WFS1: variants seen among roughly 807,000 people sequenced by gnomAD.
The protein encoded by WFS1 is wolframin.
Under a neutral mutation model 68.5 loss-of-function variants are expected in WFS1, and 90 were observed. The ratio of observed to expected loss-of-function variants is 1.31; its 90% CI spans 1.11 to 1.56. The LOEUF (loss-of-function observed/expected upper bound fraction) is 1.56, where lower values mean the gene tolerates loss of function less well. WFS1 is among the 40% of genes most tolerant of loss of function. The pLI, the probability that WFS1 is intolerant of heterozygous loss-of-function variation, is 0.00. For missense variants in WFS1, 1,767 were observed against 1,232.6 expected (o/e 1.43, Z -6.49); for synonymous variants, 860 against 540.7 (o/e 1.59, Z -8.19).
At chr4:6,300,001 G>A (rs1393164160) in intron 7 of WFS1, among the ~76,000 whole-genome samples, 1 of 151,956 alleles carries the variant, frequency 6.6e-6, no homozygotes, top group Non-Finnish European at 1.5e-5. Context: ...AAGGTGGCCT[G>A]GCAGCTGCTT....
intron 2 of WFS1, among the ~76,000 whole-genome samples, chr4:6,281,661 G>A (rs540109899): frequency 1.3e-5 from 2 of 152,244 alleles, no homozygotes; most frequent in South Asian, 4.1e-4. Context: ...GGTACAAGGG[G>A]GCCCAGGAGG....
At chr4:6,296,215 C>T (rs562805616) in intron 7 of WFS1, among the ~76,000 whole-genome samples, 5 of 152,196 alleles carry the variant, frequency 3.3e-5, no homozygotes, top group Admixed American at 6.5e-5. Flanking sequence ...GCCCGCCCTC[C>T]GGTGGGGGGG....
At chr4:6,292,188 G>A (rs532444503) in intron 6 of WFS1, among the ~76,000 whole-genome samples, 191 bp downstream of exon 6, 1 of 152,340 alleles carries the variant, frequency 6.6e-6, no homozygotes, top group Non-Finnish European at 1.5e-5. Context: ...CGGTCCGTTT[G>A]GGGCTCAGTG....
rs1246926670 is a variant in WFS1, at chr4:6,291,498, G to A, written c.631+131G>A. The A allele has an allele frequency of 4.0e-6, 5 of 1,259,440 alleles. No homozygotes were observed. In the East Asian group the frequency reaches 1.0e-4, roughly 26 times the overall value. The allele number at this position is 1,259,440 out of a possible 1,614,324, so 78.0% of individuals were successfully genotyped here. A position where few individuals can be genotyped will look rare whatever the true frequency, so the allele number is the denominator to read the frequency against. On this transcript the variant is annotated intron_variant, in intron 5 of 7. Transcript: ENST00000226760. Reference sequence around the variant, plus strand: ...TCCCACAGGAGCCGGGACCTTCCCTGTGAGGACAGGGCCCTTCCTTGTGGG... The same window carrying A: ...TCCCACAGGAGCCGGGACCTTCCCTATGAGGACAGGGCCCTTCCTTGTGGG...
intron 4 of WFS1, among the ~76,000 whole-genome samples, chr4:6,289,963 G>A (rs1384473977): frequency 3.3e-5 from 5 of 152,164 alleles, no homozygotes; most frequent in Non-Finnish European, 5.9e-5. Context: ...TTTTGAGATG[G>A]AGTCTCACTC....
At chr4:6,279,326 G>C (rs1730087311) in intron 2 of WFS1, among the ~76,000 whole-genome samples, 1 of 152,230 alleles carries the variant, frequency 6.6e-6, no homozygotes, top group Admixed American at 6.5e-5. Flanking sequence ...CATCTTTTTA[G>C]GGCATTAGCC....
intron 5 of WFS1, 24 bp from the exon 6 acceptor site, chr4:6,291,893 G>A (rs1314973566): frequency 6.9e-6 from 11 of 1,602,066 alleles, no homozygotes; most frequent in African/African-American, 1.3e-5. Context: ...TTGTCTGACT[G>A]TTAATCCACC....
chr4:6,280,013 C>T (rs548774365), intron 2 of WFS1, among the ~76,000 whole-genome samples: 1 of 152,346 alleles, frequency 6.6e-6, no homozygotes, highest in Admixed American at 6.5e-5. Context: ...CACCTGCCAC[C>T]TGGGGAACCA....
chr4:6,300,635 C>T (rs1730844254), intron 7 of WFS1, 22 bp from the exon 8 acceptor site: 1 of 1,613,618 alleles, frequency 6.2e-7, no homozygotes, highest in Non-Finnish European at 8.5e-7. Flanking sequence ...AGCCTCGTTC[C>T]CACGTACCAT....
At position 6,301,649 on chromosome 4, in the gene WFS1, C is replaced by T. The variant is rs1730925041; in HGVS notation, c.1854C>T (p.Phe618=). 1.9e-6 allele frequency: 3 copies of T among 1,614,086 alleles called. No homozygotes were observed. Among genetic ancestry groups the T allele is most frequent in the South Asian group, 1.1e-5 (1 of 91,082 alleles). Residue 618 remains phenylalanine (F), a synonymous_variant, in exon 8 of 8, where the codon TTC becomes TTT. Coordinates refer to ENST00000226760, the MANE Select transcript of WFS1 (RefSeq NM_006005.3). ...TGCGCTGGTGGACCAAGGCCAGCTT[C>T]TCTGTGGTGGGGATGGTGAAGTCCC... ...LLLRWWTKAS[F]SVVGMVKSLT... is the part of the protein sequence containing the mutation.
intron 2 of WFS1, among the ~76,000 whole-genome samples, chr4:6,280,135 G>A (rs935801685): frequency 2.6e-5 from 4 of 152,218 alleles, no homozygotes; most frequent in South Asian, 2.1e-4. Context: ...GCTCTTGGGC[G>A]TCCCTGTGCC....
intron 2 of WFS1, among the ~76,000 whole-genome samples, chr4:6,286,129 C>T (rs1193120895): frequency 6.6e-6 from 1 of 152,040 alleles, no homozygotes; most frequent in Non-Finnish European, 1.5e-5. Context: ...CTTGATGGAT[C>T]TAGGAGCCAC....
chr4:6,276,800 G>A (rs1478028035), intron 1 of WFS1, among the ~76,000 whole-genome samples: 1 of 152,216 alleles, frequency 6.6e-6, no homozygotes, highest in Non-Finnish European at 1.5e-5. Context: ...TGGGCAGGGT[G>A]GGTCCCTCCT....
rs575778537 is a variant in WFS1, at chr4:6,301,980, G to T, written c.2185G>T (p.Asp729Tyr). ...AINMLPFFIG[D>Y]WMRCLYGEAY... is the part of the protein sequence containing the mutation. ...CAACATGCTCCCGTTCTTCATCGGC[G>T]ACTGGATGCGCTGCCTCTACGGCGA... Residue 729 changes from aspartate to tyrosine, a missense_variant, in exon 8 of 8, where the codon GAC (aspartate) becomes TAC (tyrosine). Coordinates refer to ENST00000226760, the MANE Select transcript of WFS1 (RefSeq NM_006005.3). The T allele has an allele frequency of 6.2e-7, 1 of 1,612,746 alleles. No individual in the cohort carries two copies. Among genetic ancestry groups the T allele is most frequent in the South Asian group, 1.1e-5 (1 of 91,068 alleles).
intron 2 of WFS1, among the ~76,000 whole-genome samples, chr4:6,281,941 C>T (rs1052164394): frequency 1.3e-5 from 2 of 152,190 alleles, no homozygotes; most frequent in Non-Finnish European, 2.9e-5. Context: ...CTCCAAGCCT[C>T]GGACGTCACC....
chr4:6,298,105 C>T (rs1215517532), intron 7 of WFS1, among the ~76,000 whole-genome samples: 1 of 152,246 alleles, frequency 6.6e-6, no homozygotes, highest in Non-Finnish European at 1.5e-5. Flanking sequence ...CCCCTTGCTA[C>T]CGTGGCGGTC....
At chr4:6,296,721 AG>A (rs1233143136) in intron 7 of WFS1, among the ~76,000 whole-genome samples, 10 of 152,252 alleles carry the variant, frequency 6.6e-5, no homozygotes, top group African/African-American at 2.4e-4. Flanking sequence ...ATCTGGTGTA[AG>A]TACTATTATA....
At chr4:6,280,854 G>A (rs969948696) in intron 2 of WFS1, among the ~76,000 whole-genome samples, 1 of 151,936 alleles carries the variant, frequency 6.6e-6, no homozygotes, top group Non-Finnish European at 1.5e-5. Context: ...GTGGAGGAGG[G>A]AAGGAGGTGA....
intron 6 of WFS1, among the ~76,000 whole-genome samples, chr4:6,293,475 C>T (rs989596279): frequency 6.6e-6 from 1 of 152,146 alleles, no homozygotes; most frequent in African/African-American, 2.4e-5. Context: ...GTCCTTTGCT[C>T]TCAGGCCTCT....
Sources: gnomAD v4.1 joint callset for allele counts (sites outside exome capture counted in the v4.1 genomes callset) on GRCh38, gnomAD v4.1.1 for gene constraint, MANE v1.5 for transcripts, NCBI Gene and HGNC (gene_info 2026-07-23, HGNC 2026-07-21) for gene names.